PTPRO: variants seen among roughly 807,000 people sequenced by gnomAD.
The protein encoded by PTPRO is receptor-type tyrosine-protein phosphatase O.
A neutral mutation model predicts 145.2 loss-of-function variants in PTPRO; 62 were observed. The observed-to-expected ratio is 0.43, with a 90% CI of 0.35 to 0.53. The LOEUF (loss-of-function observed/expected upper bound fraction) is 0.53. PTPRO is among the 20% of genes least tolerant of loss of function. PTPRO has a pLI of 0.01. For synonymous variants in PTPRO, 565 were observed against 514.7 expected (o/e 1.10, Z -1.32); for missense variants, 1,345 against 1,482.7 (o/e 0.91, Z 1.53).
intron 1 of PTPRO, among the ~76,000 whole-genome samples, chr12:15,403,959 A>G (rs1036625668): frequency 3.9e-5 from 6 of 151,996 alleles, no homozygotes; most frequent in Non-Finnish European, 8.8e-5. Flanking sequence ...GCACTTTGGG[A>G]GGCCAAGGCG....
At position 15,417,796 on chromosome 12, in the gene PTPRO, G is replaced by A. The variant is rs559519388; in HGVS notation, c.76-66178G>A. On this transcript the variant is annotated intron_variant, in intron 1 of 26. Transcript: ENST00000281171. ...TTTTCCTTTGTGTCTACCCTGAACT[G>A]AGATTCGCCAGGGCCTTTAATACTA... is the stretch of plus-strand genomic sequence containing the variant. Among the ~76,000 whole-genome samples, 5 of 151,868 alleles carry A rather than the reference G, an allele frequency of 3.3e-5. No homozygotes were observed. The East Asian group carries it at 9.6e-4, about 29-fold the overall frequency.
At chr12:15,517,188 A>G (rs1192441056) in intron 9 of PTPRO, 6 of 570,608 alleles carry the variant, frequency 1.1e-5, no homozygotes, top group Non-Finnish European at 1.9e-5. Flanking sequence ...CCTCACAATC[A>G]TGACAGAAGG....
chr12:15,517,518 C>G (rs1262652543), intron 9 of PTPRO, among the ~76,000 whole-genome samples: 1 of 152,132 alleles, frequency 6.6e-6, no homozygotes, highest in Non-Finnish European at 1.5e-5. Flanking sequence ...AACTAATTAA[C>G]TCGAAAGTGC....
At chr12:15,486,430 G>C (rs74070738) in intron 2 of PTPRO, among the ~76,000 whole-genome samples, 1 of 151,894 alleles carries the variant, frequency 6.6e-6, no homozygotes, top group African/African-American at 2.4e-5. Flanking sequence ...CTGTCTTTAC[G>C]TGTAAAAGGG....
At chr12:15,420,756 T>C (rs996073977) in intron 1 of PTPRO, among the ~76,000 whole-genome samples, 4 of 152,226 alleles carry the variant, frequency 2.6e-5, no homozygotes, top group Admixed American at 1.3e-4. Context: ...TCAGTACTTA[T>C]TGTTCTGTGA....
chr12:15,433,771 G>C (rs1290605412), intron 1 of PTPRO, among the ~76,000 whole-genome samples: 1 of 152,190 alleles, frequency 6.6e-6, no homozygotes, highest in African/African-American at 2.4e-5. Context: ...CTGCAGTATA[G>C]TTTGAAATTG....
intron 1 of PTPRO, among the ~76,000 whole-genome samples, chr12:15,389,711 G>A (rs1939135901): frequency 6.6e-6 from 1 of 152,104 alleles, no homozygotes. Flanking sequence ...TAGAATTTGT[G>A]TTTAACTCCA....
At chr12:15,399,958 G>A (rs1939443696) in intron 1 of PTPRO, among the ~76,000 whole-genome samples, 1 of 149,760 alleles carries the variant, frequency 6.7e-6, no homozygotes, top group African/African-American at 2.5e-5. Context: ...GGCTGAGGCA[G>A]GAGAATCGCT....
At chr12:15,574,106 C>A (rs1265026555) in intron 19 of PTPRO, among the ~76,000 whole-genome samples, 1 of 152,060 alleles carries the variant, frequency 6.6e-6, no homozygotes, top group Admixed American at 6.6e-5. Flanking sequence ...AAGCATTTTG[C>A]AGATTGAAAC....
chr12:15,361,436 C>T (rs1451236907), intron 1 of PTPRO, among the ~76,000 whole-genome samples: 1 of 95,558 alleles, frequency 1.0e-5, no homozygotes, highest in African/African-American at 4.0e-5. Context: ...GAGACTCAGT[C>T]TCAAAAAAAA....
At chr12:15,448,359 A>AAAAAAAAAAAAAAAAAAC (rs1565635339) in intron 1 of PTPRO, among the ~76,000 whole-genome samples, 2 of 149,912 alleles carry the variant, frequency 1.3e-5, no homozygotes, top group Non-Finnish European at 1.5e-5. Flanking sequence ...AAAAAAAAAA[A>AAAAAAAAAAAAAAAAAAC]AGCACCGATT....
intron 12 of PTPRO, among the ~76,000 whole-genome samples, chr12:15,532,082 T>G (rs2136540332): frequency 6.6e-6 from 1 of 152,276 alleles, no homozygotes; most frequent in South Asian, 2.1e-4. Flanking sequence ...GTAATTGCAT[T>G]TCTCCAGAAC....
intron 1 of PTPRO, among the ~76,000 whole-genome samples, chr12:15,418,819 T>C (rs1266915969): frequency 6.6e-6 from 1 of 151,720 alleles, no homozygotes; most frequent in African/African-American, 2.4e-5. Flanking sequence ...CCCCTAAGCC[T>C]AATGTGCTTC....
Position 15,435,558 on chromosome 12 carries a change from CT to C in PTPRO, c.76-48405del, listed in dbSNP as rs34792603. ...CTTAGTAAATAAATTAGCAAAGCAC[CT>C]TTTTTTTTTTCTTTTTGGCAATCTC... is the stretch of plus-strand genomic sequence containing the variant. On this transcript the variant is annotated intron_variant, in intron 1 of 26. Transcript: ENST00000281171. Among the ~76,000 whole-genome samples, 581 of 146,382 alleles carry C rather than the reference CT, an allele frequency of 4.0e-3. 3 individuals are homozygous for C. Among genetic ancestry groups the C allele is most frequent in the African/African-American group, 0.012 (475 of 40,158 alleles).
At chr12:15,392,334 C>T (rs1178265354) in intron 1 of PTPRO, among the ~76,000 whole-genome samples, 2 of 152,192 alleles carry the variant, frequency 1.3e-5, no homozygotes, top group Non-Finnish European at 2.9e-5. Flanking sequence ...CACCAACTGG[C>T]TATAGCCATA....
chr12:15,341,013 C>G (rs755274658), intron 1 of PTPRO, among the ~76,000 whole-genome samples: 2 of 152,130 alleles, frequency 1.3e-5, no homozygotes, highest in Non-Finnish European at 1.5e-5. Flanking sequence ...TGTCAAGTTG[C>G]ATAAAAAATT....
At chr12:15,522,194 T>C (rs539852820) in intron 10 of PTPRO, among the ~76,000 whole-genome samples, 3 of 152,244 alleles carry the variant, frequency 2.0e-5, no homozygotes, top group Non-Finnish European at 4.4e-5. Context: ...TTGTCTTTTT[T>C]ATACTTATTT....
intron 2 of PTPRO, among the ~76,000 whole-genome samples, chr12:15,489,102 G>T (rs1003421307): frequency 6.6e-6 from 1 of 152,002 alleles, no homozygotes; most frequent in Non-Finnish European, 1.5e-5. Flanking sequence ...CATTCTCTGT[G>T]CCATGTCCTA....
At chr12:15,424,563 AGAATGATT>A (rs1334087318) in intron 1 of PTPRO, among the ~76,000 whole-genome samples, 1 of 152,092 alleles carries the variant, frequency 6.6e-6, no homozygotes, top group African/African-American at 2.4e-5. Context: ...ACATGCACAT[AGAATGATT>A]AAACGAATCA....
Sources: gnomAD v4.1 joint callset for allele counts (sites outside exome capture counted in the v4.1 genomes callset) on GRCh38, gnomAD v4.1.1 for gene constraint, MANE v1.5 for transcripts, NCBI Gene and HGNC (gene_info 2026-07-23, HGNC 2026-07-21) for gene names.